Variants in AIDA observed in about 807,000 individuals in gnomAD.
AIDA encodes axin interactor, dorsalization associated, also known as axin interactor, dorsalization-associated protein.
AIDA carries 18 observed loss-of-function variants against 42.7 expected under a neutral mutation model. The observed-to-expected ratio is 0.42, with a 90% CI of 0.29 to 0.63. AIDA has a LOEUF of 0.63. AIDA is among the 20% of genes least tolerant of loss of function. The probability of loss-of-function intolerance (pLI) is 0.19; values close to 1 mark genes in which losing one functional copy is unlikely to be tolerated. For synonymous variants in AIDA, 104 were observed against 122.9 expected, an observed-to-expected ratio of 0.85 and a Z score of 1.02; for missense variants, 250 against 354.1, an observed-to-expected ratio of 0.71 and a Z score of 2.36.
chr1:222,700,448 C>T (rs770571954), intron 2 of AIDA, among the ~76,000 whole-genome samples: 41 of 152,148 alleles, frequency 2.7e-4, no homozygotes, highest in Admixed American at 1.7e-3. Flanking sequence ...GCCTCCTGGT[C>T]CTTTTGGGGT....
intron 2 of AIDA, among the ~76,000 whole-genome samples, chr1:222,700,935 A>T (rs1207649630): frequency 6.8e-6 from 1 of 147,046 alleles, no homozygotes; most frequent in African/African-American, 2.6e-5. Context: ...TCATCAGTCT[A>T]ATCATTATAC....
At position 222,712,276 on chromosome 1, in the gene AIDA, G is replaced by T. The variant is rs1306987514; in HGVS notation, c.42C>A (p.Ala14=). The T allele has an allele frequency of 6.3e-7, 1 of 1,584,888 alleles. No homozygotes were observed. Among genetic ancestry groups the T allele is most frequent in the Non-Finnish European group, 8.6e-7 (1 of 1,165,590 alleles). Residue 14 remains alanine, a synonymous_variant, in exon 1 of 10, where the codon GCC becomes GCA. Coordinates refer to ENST00000340020, the MANE Select transcript of AIDA (RefSeq NM_022831.4). ...CGAAGTCGGCGCCTCTCCTAAAACTGGCGCCCCAGCGCTGCAGCAGACTCC... is the reference window on the plus strand; with the variant it reads ...CGAAGTCGGCGCCTCTCCTAAAACTTGCGCCCCAGCGCTGCAGCAGACTCC... ...VTRSLLQRWG[A]SFRRGADFDS...
At chr1:222,690,122 C>T (rs896272727) in intron 4 of AIDA, among the ~76,000 whole-genome samples, 2 of 152,172 alleles carry the variant, frequency 1.3e-5, no homozygotes, top group African/African-American at 4.8e-5. Flanking sequence ...TGTGTAAGTG[C>T]ACTCTATGAT....
At position 222,698,314 on chromosome 1, in the gene AIDA, A is replaced by T. The variant is rs114303293; in HGVS notation, c.181-4051T>A. ...AGAGCTTGTTAGACTTAAAATAAAT[A>T]TCGTGAAAATGAATATAAGTTACTC... On this transcript the variant is annotated intron_variant, in intron 2 of 9. Coordinates refer to ENST00000340020, the MANE Select transcript of AIDA (RefSeq NM_022831.4). Among the ~76,000 whole-genome samples, 1,232 of 152,122 alleles carry T rather than the reference A, an allele frequency of 8.1e-3. 13 individuals are homozygous for T. Among genetic ancestry groups the T allele is most frequent in the African/African-American group, 0.028 (1,165 of 41,364 alleles).
intron 4 of AIDA, among the ~76,000 whole-genome samples, chr1:222,689,854 A>G (rs1655326649): frequency 6.6e-6 from 1 of 151,710 alleles, no homozygotes; most frequent in Non-Finnish European, 1.5e-5. Context: ...TCCACTTATC[A>G]CTCACTCACT....
At chr1:222,687,104 C>T (rs1655217011) in intron 5 of AIDA, 68 bp from the exon 6 acceptor site, 3 of 1,560,766 alleles carry the variant, frequency 1.9e-6, no homozygotes, top group Non-Finnish European at 2.6e-6. Context: ...GCCTCACAGA[C>T]ACTCGTTTCC....
chr1:222,686,737 G>A (rs1293302140), intron 6 of AIDA, among the ~76,000 whole-genome samples, 193 bp downstream of exon 6: 1 of 152,100 alleles, frequency 6.6e-6, no homozygotes, highest in East Asian at 1.9e-4. Flanking sequence ...ATGGTCCTGA[G>A]GACCCCTGAC....
At chr1:222,702,219 A>G (rs1655728386) in intron 2 of AIDA, among the ~76,000 whole-genome samples, 1 of 152,188 alleles carries the variant, frequency 6.6e-6, no homozygotes, top group African/African-American at 2.4e-5. Context: ...ATGAACGTAG[A>G]TGAATAGACT....
rs1664367939 is a variant in AIDA at position 222,668,017 on chromosome 1, A to T, written c.*1876T>A. ...AGTTAAGTTAATCACACAGTGTTCA[A>T]TTTAAGCTTCTTTAATGTTGATGAA... On this transcript the variant is annotated 3_prime_UTR_variant, in exon 10 of 10. Transcript: ENST00000340020. 1 of 152,226 alleles carries T rather than the reference A, an allele frequency of 6.6e-6. No homozygotes were observed. 9.4% of individuals were successfully genotyped at this position (152,226 alleles called of 1,614,324 possible). A position where few individuals can be genotyped will look rare whatever the true frequency, so the allele number is the denominator to read the frequency against.
chr1:222,671,368 C>G (rs886906103), intron 8 of AIDA, among the ~76,000 whole-genome samples: 1 of 152,170 alleles, frequency 6.6e-6, no homozygotes, highest in African/African-American at 2.4e-5. Context: ...AAATGAATTT[C>G]TAAAGAAGGC....
At chr1:222,705,208 CATA>C (rs1175475655) in intron 1 of AIDA, among the ~76,000 whole-genome samples, 1 of 152,214 alleles carries the variant, frequency 6.6e-6, no homozygotes, top group Non-Finnish European at 1.5e-5. Context: ...CTGGAAGCCT[CATA>C]ATATTTTCCC....
intron 1 of AIDA, among the ~76,000 whole-genome samples, chr1:222,705,161 G>A (rs948425902): frequency 3.3e-5 from 5 of 152,120 alleles, no homozygotes; most frequent in East Asian, 1.9e-4. Context: ...TTACTTAGTC[G>A]AACTGCTTCT....
intron 2 of AIDA, among the ~76,000 whole-genome samples, chr1:222,696,224 C>T (rs1655519532): frequency 1.3e-5 from 2 of 152,242 alleles, no homozygotes. Flanking sequence ...TTTATTCACT[C>T]TCTCAAACAA....
chr1:222,672,460 AT>A (rs1664466836), intron 8 of AIDA, among the ~76,000 whole-genome samples: 1 of 152,202 alleles, frequency 6.6e-6, no homozygotes. Context: ...GTATGTCAGA[AT>A]CACCTAGAGG....
chr1:222,673,444 A>C lies in AIDA; in HGVS notation c.584-9T>G. 6.4e-7 allele frequency: 1 copy of C among 1,554,488 alleles called. No individual in the cohort carries two copies. The highest frequency in any genetic ancestry group is 1.3e-5 in the South Asian group (1 of 79,642). On this transcript the variant is annotated splice_polypyrimidine_tract_variant and intron_variant, in intron 7 of 9. Coordinates refer to ENST00000340020, the MANE Select transcript of AIDA (RefSeq NM_022831.4). ...GTCTATGCCATTCAGATCTAAAGAG[A>C]AAAGAAGTTTCTCTTTAGGAACATT...
At chr1:222,678,332 G>A (rs190605056) in intron 6 of AIDA, among the ~76,000 whole-genome samples, 84 of 151,422 alleles carry the variant, frequency 5.5e-4, no homozygotes, top group Non-Finnish European at 6.8e-4. Flanking sequence ...AATATTAGTC[G>A]TTTGTCATTT....
intron 2 of AIDA, among the ~76,000 whole-genome samples, chr1:222,702,717 G>C (rs752722291): frequency 3.3e-5 from 5 of 152,216 alleles, no homozygotes; most frequent in Non-Finnish European, 5.9e-5. Flanking sequence ...TCTGAGAGAA[G>C]GTAGACAGGA....
chr1:222,712,223 A>G lies in AIDA; in HGVS notation c.95T>C (p.Ile32Thr). ...FDSWGQLVEA[I>T]DEYQILARHL... ...AGTCACTCACATCTGATACTCGTCT[A>G]TCGCCTCCACCAGCTGGCCCCAAGA... The change falls in exon 1 of 10, where the codon ATA becomes ACA. Residue 32 changes from isoleucine (I) to threonine (T), a missense_variant. By Grantham distance (89) the Ile-to-Thr change is moderately conservative. Transcript: ENST00000340020. 3 of 1,601,940 alleles carry G rather than the reference A, an allele frequency of 1.9e-6. No homozygotes were observed. The highest frequency in any genetic ancestry group is 1.1e-5 in the South Asian group (1 of 89,080).
chr1:222,680,238 T>C (rs1342636660), intron 6 of AIDA, among the ~76,000 whole-genome samples: 1 of 152,136 alleles, frequency 6.6e-6, no homozygotes, highest in African/African-American at 2.4e-5. Flanking sequence ...TTCACTTGAC[T>C]TGGTCCATTT....
Sources: allele counts gnomAD v4.1 joint callset (sites outside exome capture counted in the v4.1 genomes callset), GRCh38; gene constraint gnomAD v4.1.1; transcripts MANE v1.5; gene names NCBI Gene and HGNC (gene_info 2026-07-23, HGNC 2026-07-21).